Variants in CLUAP1 observed in about 807,000 individuals in gnomAD.
CLUAP1 encodes clusterin-associated protein 1.
A neutral mutation model predicts 55.0 loss-of-function variants in CLUAP1; 50 were observed. That is an observed-to-expected ratio of 0.91 (90% CI 0.72 to 1.15). The LOEUF is 1.15. CLUAP1 is among the 50% of genes most tolerant of loss of function. The pLI, the probability that CLUAP1 is intolerant of heterozygous loss-of-function variation, is 0.00. For synonymous variants in CLUAP1, 195 were observed against 175.4 expected (o/e 1.11, Z -0.88); for missense variants, 530 against 507.6 (o/e 1.04, Z -0.42).
At chr16:3,535,587 T>A (rs948607701) in intron 11 of CLUAP1, 7 of 152,838 alleles carry the variant, frequency 4.6e-5, no homozygotes, top group African/African-American at 1.7e-4. Context: ...TTCTTTTTTT[T>A]TTGAGATGGA....
intron 11 of CLUAP1, chr16:3,533,067 C>T (rs538260784): frequency 1.3e-4 from 192 of 1,532,022 alleles, no homozygotes; most frequent in Non-Finnish European, 1.5e-4. Context: ...TTTTTGCCTT[C>T]TCACTGTTCT....
chr16:3,532,994 T>C, intron 11 of CLUAP1, 153 bp downstream of exon 11: 1 of 1,337,984 alleles, frequency 7.5e-7, no homozygotes. Flanking sequence ...CTCATGAGGC[T>C]CTGGACTCTT....
intron 1 of CLUAP1, among the ~76,000 whole-genome samples, chr16:3,502,292 A>T (rs2037418839): frequency 6.6e-6 from 1 of 151,980 alleles, no homozygotes; most frequent in African/African-American, 2.4e-5. Context: ...AAAATTCAAA[A>T]AATTAGCCGG....
At chr16:3,532,953 G>A (rs746918667) in intron 11 of CLUAP1, 112 bp downstream of exon 11, 11 of 1,422,124 alleles carry the variant, frequency 7.7e-6, no homozygotes, top group Non-Finnish European at 9.9e-6. Flanking sequence ...TGGTCAGCCC[G>A]GCCGTGCCTC....
chr16:3,527,639 A>G (rs993306184), intron 9 of CLUAP1, among the ~76,000 whole-genome samples: 9 of 152,102 alleles, frequency 5.9e-5, no homozygotes, highest in Non-Finnish European at 2.9e-5. Flanking sequence ...CCGGAGGCCT[A>G]ACCATCTCCC....
At chr16:3,534,588 G>C (rs1328648733) in intron 11 of CLUAP1, 3 of 152,892 alleles carry the variant, frequency 2.0e-5, no homozygotes, top group Admixed American at 2.0e-4. Context: ...CAGAGGTGAC[G>C]GTGCTTGGCC....
chr16:3,506,550 C>A (rs1184185769), intron 3 of CLUAP1, 135 bp downstream of exon 3: 2 of 714,202 alleles, frequency 2.8e-6, no homozygotes, highest in African/African-American at 3.6e-5. Context: ...ATTCTCTCGC[C>A]CAGGCCGGAG....
At chr16:3,516,610 G>C (rs934221878) in intron 6 of CLUAP1, among the ~76,000 whole-genome samples, 22 of 152,084 alleles carry the variant, frequency 1.4e-4, no homozygotes, top group Admixed American at 1.2e-3. Context: ...TGGAGGTGTT[G>C]GTTAAACGCA....
chr16:3,496,360 T>C (rs1596376960), upstream of CLUAP1: 1 of 1,213,268 alleles, frequency 8.2e-7, no homozygotes, highest in Non-Finnish European at 1.2e-6. Flanking sequence ...AGAGGTTGTT[T>C]ATGAGTCGCA....
intron 6 of CLUAP1, among the ~76,000 whole-genome samples, chr16:3,517,710 G>C (rs1950073934): frequency 6.6e-6 from 1 of 152,178 alleles, no homozygotes; most frequent in African/African-American, 2.4e-5. Flanking sequence ...GAACATCATC[G>C]TTACAGAACA....
chr16:3,538,535 G>C lies in CLUAP1; in HGVS notation c.*2264G>C, dbSNP rs74779991. 6.6e-6 allele frequency: 1 copy of C among 152,090 alleles called. No individual in the cohort carries two copies. Among genetic ancestry groups the C allele is most frequent in the East Asian group, 1.9e-4 (1 of 5,194 alleles). 9.4% of individuals were successfully genotyped at this position (152,090 alleles called of 1,614,324 possible). A position where few individuals can be genotyped will look rare whatever the true frequency, so the allele number is the denominator to read the frequency against. ...TGACTTCTGTTTTGAAAAAACATAC[G>C]AATAGAGTTCTATTTTCCTTATGTG... On this transcript the variant is annotated 3_prime_UTR_variant, in exon 12 of 12. Transcript: ENST00000576634.
chr16:3,523,047 CTAAT>C (rs1274414597), intron 7 of CLUAP1, 107 bp from the exon 8 acceptor site: 2 of 805,626 alleles, frequency 2.5e-6, no homozygotes, highest in Non-Finnish European at 3.6e-6. Context: ...AGGACCTTCT[CTAAT>C]TAAGGGTTTC....
intron 5 of CLUAP1, among the ~76,000 whole-genome samples, chr16:3,514,603 A>C (rs1295740771): frequency 6.6e-6 from 1 of 152,206 alleles, no homozygotes; most frequent in African/African-American, 2.4e-5. Flanking sequence ...TGACTTATAA[A>C]TAACAGATTT....
intron 5 of CLUAP1, among the ~76,000 whole-genome samples, chr16:3,513,507 T>C (rs892732431): frequency 6.6e-6 from 1 of 152,140 alleles, no homozygotes; most frequent in Non-Finnish European, 1.5e-5. Flanking sequence ...TGGAGTGCGG[T>C]GGCTCAATCT....
chr16:3,517,977 G>C (rs2037761320), intron 6 of CLUAP1, among the ~76,000 whole-genome samples: 1 of 152,202 alleles, frequency 6.6e-6, no homozygotes, highest in African/African-American at 2.4e-5. Flanking sequence ...ACTGGGACAA[G>C]TGGGGACAGT....
chr16:3,522,694 G>C (rs8054140), intron 7 of CLUAP1, among the ~76,000 whole-genome samples: 1 of 152,030 alleles, frequency 6.6e-6, no homozygotes, highest in East Asian at 1.9e-4. Context: ...AGGGTTACAG[G>C]TGTGAGCCGA....
At chr16:3,510,847 G>A (rs1156688809) in intron 4 of CLUAP1, among the ~76,000 whole-genome samples, 1 of 152,228 alleles carries the variant, frequency 6.6e-6, no homozygotes, top group Non-Finnish European at 1.5e-5. Flanking sequence ...TGCTCCATTT[G>A]CCACGCCGAT....
rs764147420 is a variant in CLUAP1, at chr16:3,508,349, G to T, written c.280G>T (p.Val94Leu). The change falls in exon 4 of 12, where the codon GTA (valine) becomes TTA (leucine). Residue 94 changes from valine (V) to leucine (L), a missense_variant. Transcript: ENST00000576634. ...KKLYQADGYA[V>L]KELLKITSVL... is the part of the protein sequence containing the mutation. ...GCTTTATCAAGCAGATGGGTATGCG[G>T]TAAAAGAGCTGCTGAAGATCACATC... 1.2e-6 allele frequency: 2 copies of T among 1,610,532 alleles called. No homozygotes were observed. Among genetic ancestry groups the T allele is most frequent in the Non-Finnish European group, 1.7e-6 (2 of 1,179,082 alleles).
intron 10 of CLUAP1, among the ~76,000 whole-genome samples, chr16:3,531,113 A>G (rs2038107356): frequency 6.6e-6 from 1 of 152,212 alleles, no homozygotes; most frequent in South Asian, 2.1e-4. Flanking sequence ...CCAGCTACTC[A>G]GGAGGCTGAG....
Sources: gnomAD v4.1 joint callset for allele counts (sites outside exome capture counted in the v4.1 genomes callset) on GRCh38, gnomAD v4.1.1 for gene constraint, MANE v1.5 for transcripts, NCBI Gene and HGNC (gene_info 2026-07-23, HGNC 2026-07-21) for gene names.